SNAP25: variants seen among roughly 807,000 people sequenced by gnomAD.
SNAP25 encodes synaptosome associated protein 25, also known as synaptosomal-associated protein 25.
SNAP25 carries 3 observed loss-of-function variants against 28.7 expected under a neutral mutation model. That is an observed-to-expected ratio of 0.10 (90% CI 0.05 to 0.27). The LOEUF is 0.27. Among genes scored for constraint, SNAP25 ranks in the 10% least tolerant of loss-of-function variants. The probability of loss-of-function intolerance (pLI) is 1.00; values close to 1 mark genes in which losing one functional copy is unlikely to be tolerated. For missense variants in SNAP25, 117 were observed against 278.7 expected (o/e 0.42, Z 4.13); for synonymous variants, 61 against 88.1 (o/e 0.69, Z 1.72).
At chr20:10,266,276 C>A (rs893170048) in intron 1 of SNAP25, among the ~76,000 whole-genome samples, 3 of 152,158 alleles carry the variant, frequency 2.0e-5, no homozygotes, top group Non-Finnish European at 2.9e-5. Flanking sequence ...ACAATATATT[C>A]CCTTAGAATA....
chr20:10,272,919 T>C (rs1455100590), intron 1 of SNAP25, among the ~76,000 whole-genome samples: 1 of 152,226 alleles, frequency 6.6e-6, no homozygotes, highest in Non-Finnish European at 1.5e-5. Flanking sequence ...GAAGTTTCAC[T>C]TTAGGATTCC....
At chr20:10,289,309 C>G (rs1053487411) in intron 4 of SNAP25, among the ~76,000 whole-genome samples, 14 of 152,114 alleles carry the variant, frequency 9.2e-5, no homozygotes, top group Non-Finnish European at 1.3e-4. Context: ...CTAATGTGGG[C>G]TTTTACCTGC....
intron 1 of SNAP25, among the ~76,000 whole-genome samples, chr20:10,236,892 C>A (rs2062932011): frequency 6.6e-6 from 1 of 151,584 alleles, no homozygotes; most frequent in Non-Finnish European, 1.5e-5. Flanking sequence ...AAGATGAGGC[C>A]CTGGGCAGAA....
intron 1 of SNAP25, among the ~76,000 whole-genome samples, chr20:10,263,124 T>C (rs951682936): frequency 5.3e-5 from 8 of 149,960 alleles, no homozygotes; most frequent in African/African-American, 1.7e-4. Flanking sequence ...CTTCATGTCA[T>C]TCTCCTGCCT....
At chr20:10,289,614 T>TATTTAA (rs1434929399) in intron 4 of SNAP25, among the ~76,000 whole-genome samples, 11 of 151,334 alleles carry the variant, frequency 7.3e-5, no homozygotes, top group Admixed American at 5.9e-4. Flanking sequence ...CACATAGGGC[T>TATTTAA]ATTTAAATTT....
intron 6 of SNAP25, among the ~76,000 whole-genome samples, chr20:10,297,661 C>T: frequency 6.6e-6 from 1 of 152,176 alleles, no homozygotes; most frequent in East Asian, 1.9e-4. Flanking sequence ...AAGGAACTAT[C>T]AGTAGAGAAA....
intron 2 of SNAP25, among the ~76,000 whole-genome samples, chr20:10,277,225 T>A (rs539612090): frequency 1.3e-5 from 2 of 152,336 alleles, no homozygotes; most frequent in African/African-American, 4.8e-5. Flanking sequence ...TTTGTATTGA[T>A]AAGAACTTCC....
intron 1 of SNAP25, among the ~76,000 whole-genome samples, chr20:10,237,851 G>A (rs547685630): frequency 3.9e-5 from 6 of 152,126 alleles, no homozygotes; most frequent in Non-Finnish European, 8.8e-5. Context: ...ACCCCAATTA[G>A]GTGAGGAGTA....
At chr20:10,304,756 G>C (rs765038373) in intron 7 of SNAP25, among the ~76,000 whole-genome samples, 1 of 152,164 alleles carries the variant, frequency 6.6e-6, no homozygotes. Flanking sequence ...AAGGTTTACA[G>C]TATTGCACTA....
chr20:10,276,635 G>A (rs947746366), intron 2 of SNAP25, among the ~76,000 whole-genome samples: 2 of 152,234 alleles, frequency 1.3e-5, no homozygotes, highest in African/African-American at 4.8e-5. Flanking sequence ...CAACATTCAT[G>A]TCAGAACTAC....
chr20:10,284,169 A>G (rs1023542753), intron 3 of SNAP25, among the ~76,000 whole-genome samples: 1 of 152,126 alleles, frequency 6.6e-6, no homozygotes, highest in African/African-American at 2.4e-5. Flanking sequence ...AGAGAGAGTG[A>G]GTTTCCTTTT....
chr20:10,246,112 T>C (rs1700407794), intron 1 of SNAP25, among the ~76,000 whole-genome samples: 1 of 152,260 alleles, frequency 6.6e-6, no homozygotes. Context: ...TGGGAAAACT[T>C]GGAATTCCAG....
rs363058 is a variant in SNAP25, at chr20:10,255,947, A to G, written c.-63-19482A>G. Among the ~76,000 whole-genome samples the G allele has an allele frequency of 3.3e-3, 510 of 152,354 alleles. 1 individual carries two copies. Among genetic ancestry groups the G allele is most frequent in the African/African-American group, 0.012 (484 of 41,580 alleles). On this transcript the variant is annotated intron_variant, in intron 1 of 7. Transcript: ENST00000254976. ...TAATAAATCAACATTATGTAAAAAA[A>G]CCTTTATGCATAGATAATGCAAGGG...
chr20:10,299,493 A>G (rs2064185897), intron 7 of SNAP25, 81 bp downstream of exon 7: 2 of 1,423,910 alleles, frequency 1.4e-6, no homozygotes, highest in East Asian at 2.5e-5. Flanking sequence ...GCATAACAAG[A>G]TCCTCAAAAC....
At chr20:10,262,990 G>A (rs1213746592) in intron 1 of SNAP25, among the ~76,000 whole-genome samples, 1 of 147,830 alleles carries the variant, frequency 6.8e-6, no homozygotes, top group Non-Finnish European at 1.5e-5. Context: ...TGGATCAGGC[G>A]AAGCAACCCT....
intron 1 of SNAP25, among the ~76,000 whole-genome samples, chr20:10,258,850 C>T (rs1197971640): frequency 2.0e-5 from 3 of 152,150 alleles, no homozygotes; most frequent in Non-Finnish European, 4.4e-5. Context: ...ACACTTTGGC[C>T]AGGGACCTTT....
rs955835628 is a variant in SNAP25, at chr20:10,245,935, T to G, written c.-64+26958T>G. ...TTGGCAGGGAGGAAAAGCATCTTAA[T>G]TCACTTCATGACTGAAATTTTAAAC... On this transcript the variant is annotated intron_variant, in intron 1 of 7. Coordinates refer to ENST00000254976, the MANE Select transcript of SNAP25 (RefSeq NM_130811.4). Among the ~76,000 whole-genome samples, 5 of 152,256 alleles carry G rather than the reference T, an allele frequency of 3.3e-5. No homozygotes were observed. The East Asian group carries it at 9.6e-4, about 29-fold the overall frequency.
At chr20:10,259,429 A>T (rs2063373770) in intron 1 of SNAP25, among the ~76,000 whole-genome samples, 1 of 152,200 alleles carries the variant, frequency 6.6e-6, no homozygotes. Flanking sequence ...GGATGGGAGG[A>T]TAGAAAGAAT....
At chr20:10,280,282 G>T (rs2063757534) in intron 3 of SNAP25, among the ~76,000 whole-genome samples, 2 of 152,082 alleles carry the variant, frequency 1.3e-5, no homozygotes, top group Admixed American at 1.3e-4. Flanking sequence ...AGCATCTCAA[G>T]GATAGTGTAA....
Sources: allele counts gnomAD v4.1 joint callset (sites outside exome capture counted in the v4.1 genomes callset), GRCh38; gene constraint gnomAD v4.1.1; transcripts MANE v1.5; gene names NCBI Gene and HGNC (gene_info 2026-07-23, HGNC 2026-07-21).